FAM171A1: variants seen among roughly 807,000 people sequenced by gnomAD.
FAM171A1 encodes the protein protein FAM171A1.
Under a neutral mutation model 74.9 loss-of-function variants are expected in FAM171A1, and 23 were observed. The ratio of observed to expected loss-of-function variants is 0.31; its 90% CI spans 0.22 to 0.44. The LOEUF is 0.44. Among genes scored for constraint, FAM171A1 ranks in the 20% least tolerant of loss-of-function variants. The pLI, the probability that FAM171A1 is intolerant of heterozygous loss-of-function variation, is 1.00. For synonymous variants in FAM171A1, 527 were observed against 505.7 expected, an observed-to-expected ratio of 1.04 and a Z score of -0.57; for missense variants, 1,162 against 1,159.2, an observed-to-expected ratio of 1.00 and a Z score of -0.03.
At chr10:15,364,187 C>T (rs1836031286) in intron 1 of FAM171A1, among the ~76,000 whole-genome samples, 1 of 152,128 alleles carries the variant, frequency 6.6e-6, no homozygotes, top group Admixed American at 6.5e-5. Context: ...AGTCAAAAAG[C>T]CAGCAAGACT....
In FAM171A1 at chr10:15,214,015, A is replaced by T; in HGVS notation, c.1573T>A (p.Ser525Thr). 6.2e-7 allele frequency: 1 copy of T among 1,614,156 alleles called. No homozygotes were observed. Among genetic ancestry groups the T allele is most frequent in the Non-Finnish European group, 8.5e-7 (1 of 1,180,022 alleles). The change falls in exon 8 of 8, where the codon TCA (serine) becomes ACA (threonine). Residue 525 changes from serine (S) to threonine (T), a missense_variant. Coordinates refer to ENST00000378116, the MANE Select transcript of FAM171A1 (RefSeq NM_001010924.2). ...IQEHLYPAPS[S>T]PEKEQLLDRR... ...TCCAGCAGCTGTTCTTTCTCAGGTG[A>T]TGAAGGCGCGGGGTACAGATGTTCC...
At chr10:15,234,058 A>G (rs944527520) in intron 5 of FAM171A1, among the ~76,000 whole-genome samples, 1 of 152,222 alleles carries the variant, frequency 6.6e-6, no homozygotes, top group Non-Finnish European at 1.5e-5. Flanking sequence ...GTCCAGAGAC[A>G]TTAGTAATTT....
intron 1 of FAM171A1, among the ~76,000 whole-genome samples, chr10:15,286,574 G>A (rs1476382178): frequency 1.3e-5 from 2 of 152,106 alleles, no homozygotes; most frequent in African/African-American, 2.4e-5. Context: ...GATCCACCGC[G>A]CCTGGCCTGA....
At chr10:15,290,064 C>T (rs1224437433) in intron 1 of FAM171A1, among the ~76,000 whole-genome samples, 1 of 152,156 alleles carries the variant, frequency 6.6e-6, no homozygotes, top group Non-Finnish European at 1.5e-5. Context: ...CCCGTCTCTA[C>T]TAAAAATACA....
At position 15,213,692 on chromosome 10, in the gene FAM171A1, C is replaced by T; in HGVS notation, c.1896G>A (p.Gln632=). Residue 632 remains glutamine, a synonymous_variant, in exon 8 of 8, where the codon CAG becomes CAA. Coordinates refer to ENST00000378116, the MANE Select transcript of FAM171A1 (RefSeq NM_001010924.2). This position sits in a 1 kb window ranked among gnomAD's most constrained non-coding sequence, Gnocchi z 6.8. The part of the protein sequence containing the change: ...HAGIFPHPSS[Q]IQPQPLSSQA... ...GGGAAGACAGGGGCTGGGGCTGGAT[C>T]TGTGAGGACGGGTGTGGGAAGATCC... is the stretch of plus-strand genomic sequence containing the variant. 6.8e-6 allele frequency: 11 copies of T among 1,612,674 alleles called. No individual in the cohort carries two copies. The highest frequency in any genetic ancestry group is 9.3e-6 in the Non-Finnish European group (11 of 1,179,182).
chr10:15,282,658 C>T (rs1335195298), intron 2 of FAM171A1, among the ~76,000 whole-genome samples: 1 of 152,182 alleles, frequency 6.6e-6, no homozygotes, highest in Non-Finnish European at 1.5e-5. Context: ...TCAGTGATTT[C>T]CAGTGACTTC....
At chr10:15,253,138 G>T (rs565492961) in intron 4 of FAM171A1, among the ~76,000 whole-genome samples, 1 of 152,230 alleles carries the variant, frequency 6.6e-6, no homozygotes, top group African/African-American at 2.4e-5. Context: ...TGAGTAGCTA[G>T]AACTACAGGC....
chr10:15,242,866 A>G (rs999043170), intron 5 of FAM171A1, among the ~76,000 whole-genome samples: 3 of 152,178 alleles, frequency 2.0e-5, no homozygotes, highest in African/African-American at 7.2e-5. Context: ...ATTTTTTCAG[A>G]GAGGAAACAG....
At chr10:15,347,699 G>GGT (rs1237478075) in intron 1 of FAM171A1, among the ~76,000 whole-genome samples, 3 of 151,740 alleles carry the variant, frequency 2.0e-5, no homozygotes, top group African/African-American at 7.3e-5. Context: ...AGCTGGGCGT[G>GGT]GTGGTGCGCA....
In FAM171A1 at chr10:15,243,674, G is replaced by T. The variant is rs945220546; in HGVS notation, c.754+4965C>A. Among the ~76,000 whole-genome samples the T allele has an allele frequency of 8.5e-5, 13 of 152,184 alleles. No individual in the cohort carries two copies. In the South Asian group the frequency reaches 1.5e-3, roughly 17 times the overall value. ...CAAAAAATAAACAGCAGGGATGGAG[G>T]CTCCAAGATAGAAAAAAAATCCAAT... On this transcript the variant is annotated intron_variant, in intron 5 of 7. Coordinates refer to ENST00000378116, the MANE Select transcript of FAM171A1 (RefSeq NM_001010924.2).
At chr10:15,229,163 A>G (rs9423933) in intron 5 of FAM171A1, among the ~76,000 whole-genome samples, 131,124 of 152,176 alleles carry the variant, frequency 0.86, 56,575 homozygotes, top group East Asian at 0.91. Flanking sequence ...AGCTACATTC[A>G]CACTGTGAGA....
intron 1 of FAM171A1, among the ~76,000 whole-genome samples, chr10:15,367,251 A>G (rs1225018222): frequency 2.0e-5 from 3 of 152,236 alleles, no homozygotes; most frequent in South Asian, 4.1e-4. Flanking sequence ...GAAAGTATTA[A>G]TACTTGAAAG....
At chr10:15,372,446 A>G (rs1364922154), upstream of FAM171A1, among the ~76,000 whole-genome samples, 1 of 152,020 alleles carries the variant, frequency 6.6e-6, no homozygotes, top group Non-Finnish European at 1.5e-5. Flanking sequence ...TATAATCCCA[A>G]CACTTTGGGA....
chr10:15,218,572 T>C (rs898548815), intron 6 of FAM171A1, among the ~76,000 whole-genome samples: 1 of 152,052 alleles, frequency 6.6e-6, no homozygotes, highest in African/African-American at 2.4e-5. Context: ...CTACATTAAA[T>C]ACCATCAGAG....
intron 1 of FAM171A1, among the ~76,000 whole-genome samples, chr10:15,328,545 G>A (rs1407302378): frequency 6.6e-6 from 1 of 152,196 alleles, no homozygotes; most frequent in Non-Finnish European, 1.5e-5. Flanking sequence ...GAACTGTGGG[G>A]GCAATATGCT....
At chr10:15,267,941 C>G (rs1298235983) in intron 3 of FAM171A1, among the ~76,000 whole-genome samples, 3 of 152,182 alleles carry the variant, frequency 2.0e-5, no homozygotes, top group Non-Finnish European at 4.4e-5. Context: ...CCTCCTTCAG[C>G]ATCTTAGTAA....
At chr10:15,329,469 G>A (rs1835600478) in intron 1 of FAM171A1, among the ~76,000 whole-genome samples, 1 of 151,954 alleles carries the variant, frequency 6.6e-6, no homozygotes, top group Non-Finnish European at 1.5e-5. Flanking sequence ...TGGGTAACAT[G>A]GTGAAAATTA....
intron 7 of FAM171A1, 25 bp from the exon 8 acceptor site, chr10:15,214,626 G>C: frequency 6.5e-7 from 1 of 1,532,110 alleles, no homozygotes; most frequent in Non-Finnish European, 8.7e-7. Context: ...ACAATCCAAA[G>C]CCAAAGATTA....
chr10:15,220,573 C>T (rs11815636), intron 6 of FAM171A1, among the ~76,000 whole-genome samples: 4,618 of 152,248 alleles, frequency 0.03, 86 homozygotes, highest in East Asian at 0.058. Flanking sequence ...TTCCCACTAG[C>T]ATCTCTGTGG....
Sources: gnomAD v4.1 joint callset for allele counts (sites outside exome capture counted in the v4.1 genomes callset) on GRCh38, gnomAD v4.1.1 for gene constraint, Gnocchi (gnomAD v3.1) non-coding constraint, MANE v1.5 for transcripts, NCBI Gene and HGNC (gene_info 2026-07-23, HGNC 2026-07-21) for gene names.